The following ADAM12 variants were observed in gnomAD, a reference collection of about 807,000 sequenced individuals.
ADAM12 encodes ADAM metallopeptidase domain 12.
In ADAM12, 70 loss-of-function variants were observed where a neutral mutation model predicts 106.4. The observed-to-expected ratio is 0.66, with a 90% CI of 0.54 to 0.80. The LOEUF is 0.80. Among genes scored for constraint, ADAM12 ranks in the 30% least tolerant of loss-of-function variants. ADAM12 has a pLI of 0.00. For synonymous variants in ADAM12, 420 were observed against 433.5 expected, an observed-to-expected ratio of 0.97 and a Z score of 0.39; for missense variants, 1,010 against 1,171.9, an observed-to-expected ratio of 0.86 and a Z score of 2.02.
chr10:126,347,209 G>T (rs1465269359), intron 1 of ADAM12, among the ~76,000 whole-genome samples: 1 of 152,118 alleles, frequency 6.6e-6, no homozygotes, highest in Non-Finnish European at 1.5e-5. Context: ...CTCTTTTAGG[G>T]CAGGCTGGTG....
At chr10:126,121,596 G>C (rs1160628224) in intron 5 of ADAM12, among the ~76,000 whole-genome samples, 1 of 148,216 alleles carries the variant, frequency 6.7e-6, no homozygotes, top group African/African-American at 2.5e-5. Context: ...AGCAACCCAA[G>C]GATCTAGGTA....
intron 11 of ADAM12, chr10:126,090,932 T>C (rs1955452281): frequency 6.6e-6 from 1 of 152,250 alleles, no homozygotes; most frequent in South Asian, 2.1e-4. Flanking sequence ...ATTAAAGCAG[T>C]TACTGATTCA....
intron 3 of ADAM12, among the ~76,000 whole-genome samples, chr10:126,198,262 C>A (rs1270450266): frequency 2.0e-5 from 3 of 152,212 alleles, no homozygotes. Flanking sequence ...ATTTCAAAGA[C>A]TGAATCTCAA....
intron 8 of ADAM12, among the ~76,000 whole-genome samples, chr10:126,107,316 G>C (rs1172527817): frequency 6.6e-6 from 1 of 152,076 alleles, no homozygotes; most frequent in Admixed American, 6.5e-5. Context: ...CATGGATCTA[G>C]TTCTTAATGC....
At chr10:126,030,549 C>G (rs1953954421) in intron 21 of ADAM12, among the ~76,000 whole-genome samples, 1 of 152,150 alleles carries the variant, frequency 6.6e-6, no homozygotes, top group Non-Finnish European at 1.5e-5. Flanking sequence ...CAGGCATCTG[C>G]TTTTTATGTA....
intron 2 of ADAM12, among the ~76,000 whole-genome samples, chr10:126,295,548 T>TACACACACACACACATACACAC (rs1555007157): frequency 6.8e-6 from 1 of 146,532 alleles, no homozygotes; most frequent in Non-Finnish European, 1.5e-5. Context: ...CACACACACA[T>TACACACACACACACATACACAC]ACACACACAC....
At chr10:126,304,075 C>A (rs1240937631) in intron 2 of ADAM12, among the ~76,000 whole-genome samples, 1 of 152,012 alleles carries the variant, frequency 6.6e-6, no homozygotes, top group Non-Finnish European at 1.5e-5. Flanking sequence ...ATGCATCATC[C>A]TTGGGAGAAT....
At chr10:126,303,884 T>C (rs1960729856) in intron 2 of ADAM12, among the ~76,000 whole-genome samples, 2 of 152,186 alleles carry the variant, frequency 1.3e-5, no homozygotes, top group African/African-American at 4.8e-5. Flanking sequence ...TATTTTTAAA[T>C]TCTCCCACTG....
chr10:126,320,075 T>TTA (rs1478448404), intron 2 of ADAM12, among the ~76,000 whole-genome samples: 1 of 152,222 alleles, frequency 6.6e-6, no homozygotes, highest in East Asian at 1.9e-4. Context: ...ACAAAGGTTT[T>TTA]TACCCTCCAA....
chr10:126,387,220 C>T (rs949908973), intron 1 of ADAM12, among the ~76,000 whole-genome samples: 1 of 152,162 alleles, frequency 6.6e-6, no homozygotes, highest in Non-Finnish European at 1.5e-5. Flanking sequence ...GGGAAGTTGC[C>T]GGATTTTTAA....
chr10:126,388,147 G>C lies in ADAM12; in HGVS notation c.-2C>G. 8.3e-7 allele frequency: 1 copy of C among 1,211,522 alleles called. No individual in the cohort carries two copies. The highest frequency in any genetic ancestry group is 4.1e-5 in the South Asian group (1 of 24,426). The allele number at this position is 1,211,522 out of a possible 1,614,324, so 75.0% of individuals were successfully genotyped here. Reference sequence around the variant, plus strand: ...CACGGGCAGCGGGCGCGCTGCCATCGTCGCCGGCCTTCAGTGCAGCAGCTC... The same window carrying C: ...CACGGGCAGCGGGCGCGCTGCCATCCTCGCCGGCCTTCAGTGCAGCAGCTC... On this transcript the variant is annotated 5_prime_UTR_variant, in exon 1 of 23. Coordinates refer to ENST00000448723, the MANE Select transcript of ADAM12 (RefSeq NM_001288973.2). This position sits in a 1 kb window ranked among gnomAD's most constrained non-coding sequence, Gnocchi z 4.4.
At chr10:126,215,717 T>C (rs577126773) in intron 3 of ADAM12, among the ~76,000 whole-genome samples, 1 of 152,144 alleles carries the variant, frequency 6.6e-6, no homozygotes, top group Non-Finnish European at 1.5e-5. Context: ...AACTGAAGCC[T>C]GCAATGAAAA....
intron 3 of ADAM12, among the ~76,000 whole-genome samples, chr10:126,249,626 C>T (rs760058512): frequency 3.3e-5 from 5 of 152,292 alleles, no homozygotes; most frequent in Non-Finnish European, 5.9e-5. Flanking sequence ...ATGGCGTCAA[C>T]CCGGGAGGCG....
At chr10:126,210,220 G>T (rs188566514) in intron 3 of ADAM12, among the ~76,000 whole-genome samples, 1 of 152,182 alleles carries the variant, frequency 6.6e-6, no homozygotes, top group Non-Finnish European at 1.5e-5. Context: ...GAAATAGCAC[G>T]TGACAAAGCT....
intron 3 of ADAM12, among the ~76,000 whole-genome samples, chr10:126,223,992 C>T (rs72826380): frequency 6.6e-5 from 10 of 152,282 alleles, no homozygotes; most frequent in African/African-American, 1.2e-4. Context: ...GCCCATAAAA[C>T]GTGGGACTTG....
At chr10:126,346,437 T>G (rs1178698636) in intron 1 of ADAM12, among the ~76,000 whole-genome samples, 1 of 152,198 alleles carries the variant, frequency 6.6e-6, no homozygotes, top group African/African-American at 2.4e-5. Context: ...GTGCTTTACT[T>G]CCAACTATGT....
At chr10:126,312,135 A>G (rs80087822) in intron 2 of ADAM12, among the ~76,000 whole-genome samples, 4 of 130,448 alleles carry the variant, frequency 3.1e-5, no homozygotes, top group African/African-American at 1.4e-4. Flanking sequence ...GGTGTGGAAA[A>G]AAAAAAAAAA....
rs533906439 is a variant in ADAM12, at chr10:126,017,923, C to T, written c.2661-584G>A. Among the ~76,000 whole-genome samples, 15 of 152,254 alleles carry T rather than the reference C, an allele frequency of 9.9e-5. No individual in the cohort carries two copies. The South Asian group carries it at 2.3e-3, about 23-fold the overall frequency. On this transcript the variant is annotated intron_variant, in intron 22 of 22. Transcript: ENST00000448723. ...GAGGGCATTTAAGAAAAAGGGCTTC[C>T]CCTCATTGTTTTCATGTAAAGTAGT...
At chr10:126,097,722 C>T (rs1408847711) in intron 10 of ADAM12, among the ~76,000 whole-genome samples, 2 of 152,174 alleles carry the variant, frequency 1.3e-5, no homozygotes, top group African/African-American at 2.4e-5. Flanking sequence ...GAAAACCTCT[C>T]CTTTAATTAT....
Sources: gnomAD v4.1 joint callset for allele counts (sites outside exome capture counted in the v4.1 genomes callset) on GRCh38, gnomAD v4.1.1 for gene constraint, Gnocchi (gnomAD v3.1) non-coding constraint, MANE v1.5 for transcripts, NCBI Gene and HGNC (gene_info 2026-07-23, HGNC 2026-07-21) for gene names.